The following C8orf34 variants were observed in gnomAD, a reference collection of about 807,000 sequenced individuals.
C8orf34 encodes chromosome 8 open reading frame 34.
Under a neutral mutation model 68.3 loss-of-function variants are expected in C8orf34, and 65 were observed. That is an observed-to-expected ratio of 0.95 (90% confidence interval 0.78 to 1.17). The LOEUF (loss-of-function observed/expected upper bound fraction) is 1.17. C8orf34 is among the 50% of genes most tolerant of loss of function. The pLI, the probability that C8orf34 is intolerant of heterozygous loss-of-function variation, is 0.00. For missense variants in C8orf34, 664 were observed against 655.4 expected (o/e 1.01, Z -0.14); for synonymous variants, 244 against 241.2 (o/e 1.01, Z -0.11).
intron 1 of C8orf34, among the ~76,000 whole-genome samples, chr8:68,362,583 G>T (rs1807051712): frequency 6.6e-6 from 1 of 152,166 alleles, no homozygotes; most frequent in African/African-American, 2.4e-5. Context: ...CTTCAAGTGG[G>T]TCCCTGACCC....
chr8:68,634,509 T>C (rs1818781114), intron 7 of C8orf34, among the ~76,000 whole-genome samples: 1 of 152,236 alleles, frequency 6.6e-6, no homozygotes, highest in African/African-American at 2.4e-5. Flanking sequence ...TCTATTATCA[T>C]AAACTTTCCA....
intron 7 of C8orf34, among the ~76,000 whole-genome samples, chr8:68,556,570 C>T (rs979473098): frequency 4.6e-5 from 7 of 152,000 alleles, no homozygotes; most frequent in African/African-American, 1.7e-4. Flanking sequence ...ACTCAGCAAA[C>T]CCCAGGATCC....
intron 1 of C8orf34, among the ~76,000 whole-genome samples, chr8:68,385,958 G>A (rs6993474): frequency 0.066 from 10,027 of 152,128 alleles, 554 homozygotes; most frequent in African/African-American, 0.15. Context: ...GGAGTGTAGT[G>A]GCGTGGTAAT....
rs953672464 is a variant in C8orf34, at chr8:68,709,023, C to T, written c.1271C>T (p.Thr424Ile). The T allele has an allele frequency of 1.2e-6, 2 of 1,604,550 alleles. No homozygotes were observed. The highest frequency in any genetic ancestry group is 1.3e-5 in the African/African-American group (1 of 74,284). Reference sequence around the variant, plus strand: ...CAAGGAGACAACCTGGAAGAAAGGACAGAAGAGTCACTACCAATACTCCAT... The same window carrying T: ...CAAGGAGACAACCTGGAAGAAAGGATAGAAGAGTCACTACCAATACTCCAT... ...RLQGDNLEERTEESLPILHSP... is the reference protein window; with the variant it reads ...RLQGDNLEERIEESLPILHSP... Residue 424 changes from threonine (T) to isoleucine (I), a missense_variant, in exon 9 of 14, where the codon ACA becomes ATA. Physicochemically the swap from Thr to Ile is moderately conservative, Grantham distance 89 (BLOSUM62 -1). Transcript: ENST00000518698.
intron 13 of C8orf34, 22 bp from the exon 14 acceptor site, chr8:68,818,215 TTC>T: frequency 3.1e-6 from 5 of 1,611,564 alleles, no homozygotes; most frequent in Middle Eastern, 1.8e-4. Flanking sequence ...GCACATTTTC[TTC>T]TGTTTCATTT....
chr8:68,697,745 A>G (rs985851070), intron 8 of C8orf34, among the ~76,000 whole-genome samples: 5 of 152,128 alleles, frequency 3.3e-5, no homozygotes, highest in African/African-American at 4.8e-5. Context: ...CTAGTGAAGC[A>G]GTTCCCAGCC....
intron 10 of C8orf34, among the ~76,000 whole-genome samples, chr8:68,723,199 T>C (rs1367409825): frequency 6.6e-6 from 1 of 152,126 alleles, no homozygotes; most frequent in Non-Finnish European, 1.5e-5. Flanking sequence ...CTCACAAACA[T>C]TGGTCCTAGT....
intron 5 of C8orf34, among the ~76,000 whole-genome samples, chr8:68,508,611 C>G (rs1814125124): frequency 6.6e-6 from 1 of 152,160 alleles, no homozygotes; most frequent in South Asian, 2.1e-4. Context: ...CATTTGGGCC[C>G]TCTCATGTGT....
At chr8:68,548,892 T>C (rs1815974870) in intron 7 of C8orf34, among the ~76,000 whole-genome samples, 1 of 151,832 alleles carries the variant, frequency 6.6e-6, no homozygotes, top group South Asian at 2.1e-4. Flanking sequence ...CCTATTGCTA[T>C]TGACTAAATT....
chr8:68,597,745 G>A (rs892730540), intron 7 of C8orf34, among the ~76,000 whole-genome samples: 1 of 152,018 alleles, frequency 6.6e-6, no homozygotes, highest in African/African-American at 2.4e-5. Flanking sequence ...TTAAACCCAG[G>A]TTAAGCCTTA....
chr8:68,654,042 CT>C (rs1194586947), intron 8 of C8orf34, among the ~76,000 whole-genome samples: 3 of 152,090 alleles, frequency 2.0e-5, no homozygotes, highest in African/African-American at 7.2e-5. Context: ...AACAATTCTG[CT>C]TTATATTATT....
At chr8:68,716,048 A>C (rs1038288504) in intron 9 of C8orf34, among the ~76,000 whole-genome samples, 4 of 152,182 alleles carry the variant, frequency 2.6e-5, no homozygotes, top group African/African-American at 9.6e-5. Flanking sequence ...TATTATTCTA[A>C]GGAGAGTAAC....
At chr8:68,671,835 A>G (rs1333214985) in intron 8 of C8orf34, among the ~76,000 whole-genome samples, 1 of 152,174 alleles carries the variant, frequency 6.6e-6, no homozygotes, top group Non-Finnish European at 1.5e-5. Flanking sequence ...TTTTCCTTTA[A>G]CGAAAAGGGT....
intron 10 of C8orf34, among the ~76,000 whole-genome samples, chr8:68,760,154 G>A (rs1419532486): frequency 6.6e-6 from 1 of 152,142 alleles, no homozygotes; most frequent in Non-Finnish European, 1.5e-5. Flanking sequence ...TACAACACAG[G>A]CGGAGGACAG....
intron 7 of C8orf34, among the ~76,000 whole-genome samples, chr8:68,592,699 C>T (rs577142146): frequency 6.7e-6 from 1 of 148,288 alleles, no homozygotes; most frequent in African/African-American, 2.5e-5. Flanking sequence ...ACCTCTGCCT[C>T]CCAGGTTCAA....
At chr8:68,668,518 C>G (rs1480873467) in intron 8 of C8orf34, among the ~76,000 whole-genome samples, 1 of 152,068 alleles carries the variant, frequency 6.6e-6, no homozygotes, top group African/African-American at 2.4e-5. Flanking sequence ...ATGTGAGGCT[C>G]TGTTGTTTGA....
chr8:68,424,474 C>T (rs779052526), intron 1 of C8orf34, among the ~76,000 whole-genome samples: 1 of 152,074 alleles, frequency 6.6e-6, no homozygotes, highest in African/African-American at 2.4e-5. Flanking sequence ...GAGAAAAGGA[C>T]AATCAACAAA....
intron 7 of C8orf34, among the ~76,000 whole-genome samples, chr8:68,625,872 G>A (rs1436238524): frequency 6.6e-6 from 1 of 152,200 alleles, no homozygotes. Flanking sequence ...GGATAGCTAT[G>A]AAACTTAATG....
chr8:68,636,089 G>T (rs1344503640), intron 7 of C8orf34, among the ~76,000 whole-genome samples: 1 of 152,128 alleles, frequency 6.6e-6, no homozygotes, highest in Non-Finnish European at 1.5e-5. Context: ...ATTGGAAGTT[G>T]TTGGCATGGG....
Sources: gnomAD v4.1 joint callset for allele counts (sites outside exome capture counted in the v4.1 genomes callset) on GRCh38, gnomAD v4.1.1 for gene constraint, MANE v1.5 for transcripts, NCBI Gene and HGNC (gene_info 2026-07-23, HGNC 2026-07-21) for gene names.